PHF3: variants seen among roughly 807,000 people sequenced by gnomAD.
PHF3 encodes the protein PHD finger protein 3.
PHF3 carries 41 observed loss-of-function variants against 178.4 expected under a neutral mutation model. That is an observed-to-expected ratio of 0.23 (90% CI 0.18 to 0.30). The LOEUF (loss-of-function observed/expected upper bound fraction) is 0.30. Ranked by LOEUF, PHF3 falls within the 10% of genes least tolerant of loss-of-function variation. PHF3 has a pLI of 1.00. For missense variants in PHF3, 2,346 were observed against 2,398.1 expected, an observed-to-expected ratio of 0.98 and a Z score of 0.45; for synonymous variants, 842 against 800.5, an observed-to-expected ratio of 1.05 and a Z score of -0.88.
chr6:63,672,502 TA>T (rs1470011834), intron 2 of PHF3, among the ~76,000 whole-genome samples: 2 of 152,236 alleles, frequency 1.3e-5, no homozygotes, highest in Non-Finnish European at 2.9e-5. Context: ...CTTGGTAGGT[TA>T]AAAAACACTT....
At position 63,691,809 on chromosome 6, in the gene PHF3, A is replaced by G. The variant is rs746090880; in HGVS notation, c.2262A>G (p.Ala754=). The part of the protein sequence containing the change: ...GDCVGLSLSQ[A]QQMGEEDKEY... ...GTGTTGGGTTAAGTCTTTCTCAAGC[A>G]CAGCAGATGGGCGAGGAAGACAAAG... is the stretch of plus-strand genomic sequence containing the variant. The change falls in exon 5 of 16, where the codon GCA becomes GCG. Residue 754 remains alanine (A), a synonymous_variant. Transcript: ENST00000262043. 12 of 1,613,788 alleles carry G rather than the reference A, an allele frequency of 7.4e-6. No individual in the cohort carries two copies. Among genetic ancestry groups the G allele is most frequent in the Middle Eastern group, 1.6e-4 (1 of 6,084 alleles).
rs903866487 is a variant in PHF3 at position 63,693,781 on chromosome 6, C to T, written c.2497-800C>T. 3.3e-5 allele frequency among the ~76,000 whole-genome samples: 5 copies of T among 152,268 alleles called. No individual in the cohort carries two copies. In the East Asian group the frequency reaches 7.7e-4, roughly 23 times the overall value. The stretch of plus-strand genomic sequence containing the variant: ...TTTTGATGTGAACTGTTGACTCTCT[C>T]TTGGACTTGTCTGATGTTAGTTTAT... On this transcript the variant is annotated intron_variant, in intron 5 of 15. Coordinates refer to ENST00000262043, the MANE Select transcript of PHF3 (RefSeq NM_001370348.2).
chr6:63,680,398 ATTTT>A (rs994238749), intron 3 of PHF3, among the ~76,000 whole-genome samples: 1 of 117,586 alleles, frequency 8.5e-6, no homozygotes. Flanking sequence ...AGCTGGTTTA[ATTTT>A]TTTTTTTTTT....
intron 2 of PHF3, among the ~76,000 whole-genome samples, chr6:63,659,832 T>C (rs1765391623): frequency 6.6e-6 from 1 of 152,168 alleles, no homozygotes; most frequent in Non-Finnish European, 1.5e-5. Context: ...GTACTATTAA[T>C]CTCATTTTAT....
chr6:63,696,795 A>T (rs1224369312), intron 6 of PHF3, among the ~76,000 whole-genome samples: 2 of 152,196 alleles, frequency 1.3e-5, no homozygotes, highest in Admixed American at 1.3e-4. Flanking sequence ...AAGATTGTTA[A>T]GTCTATGACT....
chr6:63,679,113 T>A (rs1237120362), intron 2 of PHF3: 2 of 153,608 alleles, frequency 1.3e-5, no homozygotes, highest in African/African-American at 2.4e-5. Flanking sequence ...TTTTTTTTTT[T>A]AAACGTTCTA....
intron 9 of PHF3, among the ~76,000 whole-genome samples, chr6:63,701,699 C>T (rs1489826577): frequency 1.3e-5 from 2 of 152,084 alleles, no homozygotes; most frequent in African/African-American, 2.4e-5. Context: ...TTCATACATT[C>T]CTTTACCTTC....
intron 2 of PHF3, among the ~76,000 whole-genome samples, chr6:63,670,540 C>A (rs1582043765): frequency 1.3e-5 from 2 of 152,322 alleles, no homozygotes; most frequent in South Asian, 4.1e-4. Flanking sequence ...CCCAACTCGG[C>A]CTCCCAAAGT....
rs201532290 is a variant in PHF3 at position 63,694,678 on chromosome 6, C to T, written c.2594C>T (p.Pro865Leu). ...CGTAAGATGGGACAACCAGTTTTAC[C>T]TCGGAGATCCTCAGAAGAAAAAAGT... ...PLRKMGQPVL[P>L]RRSSEEKSEK... The change falls in exon 6 of 16, where the codon CCT (proline) becomes CTT (leucine). Residue 865 changes from proline (P) to leucine (L), a missense_variant. Physicochemically the swap from Pro to Leu is moderately conservative, Grantham distance 98 (BLOSUM62 -3). Around this residue, in one of 8 missense-constraint regions of PHF3, gnomAD observed 252 missense variants for 232.0 expected, o/e 1.09. Transcript: ENST00000262043. 3.7e-6 allele frequency: 6 copies of T among 1,601,808 alleles called. No homozygotes were observed. The highest frequency in any genetic ancestry group is 2.3e-5 in the East Asian group (1 of 44,240).
intron 4 of PHF3, 32 bp from the exon 5 acceptor site, chr6:63,691,705 G>T: frequency 6.6e-7 from 1 of 1,505,344 alleles, no homozygotes; most frequent in South Asian, 1.3e-5. Flanking sequence ...TTAAAAAAAG[G>T]GATAAAAGTT....
intron 2 of PHF3, among the ~76,000 whole-genome samples, chr6:63,660,328 C>G (rs1168785750): frequency 2.0e-5 from 3 of 151,442 alleles, no homozygotes; most frequent in Non-Finnish European, 4.4e-5. Flanking sequence ...AAAGTTGATT[C>G]AGGATGGAAT....
chr6:63,721,201 C>G lies in PHF3; in HGVS notation c.*7493C>G. ...GTTTTGTTTTCACAATACCTTCCCA[C>G]CCAACCCAAAGTACACAGGCAACTG... On this transcript the variant is annotated 3_prime_UTR_variant, in exon 16 of 16. Coordinates refer to ENST00000262043, the MANE Select transcript of PHF3 (RefSeq NM_001370348.2). 1.3e-6 allele frequency: 2 copies of G among 1,551,618 alleles called. No homozygotes were observed. Among genetic ancestry groups the G allele is most frequent in the Middle Eastern group, 1.7e-4 (1 of 5,998 alleles).
chr6:63,702,746 C>A, intron 10 of PHF3, 107 bp downstream of exon 10: 1 of 1,088,916 alleles, frequency 9.2e-7, no homozygotes. Flanking sequence ...AATATGCATC[C>A]ATTTAAAAGT....
chr6:63,707,213 A>AT (rs1433245210), intron 13 of PHF3, among the ~76,000 whole-genome samples: 1 of 152,216 alleles, frequency 6.6e-6, no homozygotes, highest in Non-Finnish European at 1.5e-5. Flanking sequence ...TTGGTCTTTA[A>AT]TGTTAACACA....
intron 2 of PHF3, among the ~76,000 whole-genome samples, chr6:63,654,065 T>C (rs1765130185): frequency 2.0e-5 from 3 of 152,222 alleles, no homozygotes; most frequent in Non-Finnish European, 1.5e-5. Context: ...ATCAGGGATA[T>C]TGGCCTCTAA....
intron 1 of PHF3, among the ~76,000 whole-genome samples, 176 bp from the exon 2 acceptor site, chr6:63,646,351 T>C (rs946531285): frequency 6.6e-6 from 1 of 152,164 alleles, no homozygotes; most frequent in Non-Finnish European, 1.5e-5. Flanking sequence ...TAGTAAAGAT[T>C]CGTTCTACAT....
chr6:63,643,925 C>G (rs1318837883), intron 1 of PHF3, among the ~76,000 whole-genome samples: 1 of 152,108 alleles, frequency 6.6e-6, no homozygotes, highest in Non-Finnish European at 1.5e-5. Context: ...AAAAATTGCT[C>G]CTTTAGATGA....
Position 63,715,896 on chromosome 6 carries a change from T to C in PHF3, c.*2188T>C, listed in dbSNP as rs1178734405. Among the ~76,000 whole-genome samples, 1 of 152,094 alleles carries C rather than the reference T, an allele frequency of 6.6e-6. No individual in the cohort carries two copies. Among genetic ancestry groups the C allele is most frequent in the Non-Finnish European group, 1.5e-5 (1 of 68,002 alleles). ...CAGGTACAACCAGCCTTACACAAAC[T>C]AGTGAATTACATGAATTTCATCTTT... On this transcript the variant is annotated 3_prime_UTR_variant, in exon 16 of 16. Transcript: ENST00000262043.
chr6:63,635,827 C>A lies in PHF3; in HGVS notation c.-349C>A. 5 of 395,600 alleles carry A rather than the reference C, an allele frequency of 1.3e-5. No homozygotes were observed. Among genetic ancestry groups the A allele is most frequent in the Non-Finnish European group, 4.5e-6 (1 of 224,088 alleles). 24.5% of individuals were successfully genotyped at this position (395,600 alleles called of 1,614,324 possible). On this transcript the variant is annotated 5_prime_UTR_variant, in exon 1 of 16. Coordinates refer to ENST00000262043, the MANE Select transcript of PHF3 (RefSeq NM_001370348.2). The stretch of plus-strand genomic sequence containing the variant: ...AGTGGGGTCACGTGACACGGCCCCT[C>A]TCCAGCTCCCGCGCCGCCGCCGCAC...
Sources: gnomAD v4.1 joint callset for allele counts (sites outside exome capture counted in the v4.1 genomes callset) on GRCh38, gnomAD v4.1.1 for gene constraint, gnomAD v4.1.1 regional missense constraint, MANE v1.5 for transcripts, NCBI Gene and HGNC (gene_info 2026-07-23, HGNC 2026-07-21) for gene names.